The following TENM2 variants were observed in gnomAD, a reference collection of about 807,000 sequenced individuals.
TENM2 encodes teneurin transmembrane protein 2, also known as teneurin-2.
A neutral mutation model predicts 245.2 loss-of-function variants in TENM2; 52 were observed. That is an observed-to-expected ratio of 0.21 (90% CI 0.17 to 0.27). The LOEUF (loss-of-function observed/expected upper bound fraction) is 0.27, where lower values mean the gene tolerates loss of function less well. Ranked by LOEUF, TENM2 falls within the 10% of genes least tolerant of loss-of-function variation. The probability of loss-of-function intolerance (pLI) is 1.00; values close to 1 mark genes in which losing one functional copy is unlikely to be tolerated. For synonymous variants in TENM2, 1,363 were observed against 1,438.9 expected (o/e 0.95, Z 1.19); for missense variants, 3,046 against 3,666.8 (o/e 0.83, Z 4.37).
the TENM2 span, among the ~76,000 whole-genome samples, chr5:167,226,686 T>G: frequency 6.6e-6 from 1 of 152,094 alleles, no homozygotes; most frequent in African/African-American, 2.4e-5. Context: ...TATAAATGTC[T>G]GTTAGGTTCA....
chr5:167,661,546 G>A (rs1251956557), intron 2 of TENM2, among the ~76,000 whole-genome samples: 1 of 152,174 alleles, frequency 6.6e-6, no homozygotes, highest in East Asian at 1.9e-4. Flanking sequence ...GGATTGCCAA[G>A]TTAATTTGGT....
the TENM2 span, among the ~76,000 whole-genome samples, chr5:167,064,918 G>A: frequency 5.3e-5 from 8 of 152,130 alleles, no homozygotes; most frequent in Admixed American, 2.0e-4. Flanking sequence ...AGGGATGAAG[G>A]CATTTGTTGG....
chr5:167,086,575 A>G, the TENM2 span, among the ~76,000 whole-genome samples: 1 of 152,076 alleles, frequency 6.6e-6, no homozygotes, highest in South Asian at 2.1e-4. Context: ...GTTTTCATGC[A>G]CCTGTTTGTT....
chr5:167,619,495 G>C (rs1042576332), intron 2 of TENM2, among the ~76,000 whole-genome samples: 1 of 152,038 alleles, frequency 6.6e-6, no homozygotes, highest in African/African-American at 2.4e-5. Context: ...TCTGGAGTAA[G>C]ACTGGTGTGG....
intron 2 of TENM2, among the ~76,000 whole-genome samples, chr5:167,593,582 G>C (rs1026489683): frequency 6.6e-6 from 1 of 152,188 alleles, no homozygotes; most frequent in Non-Finnish European, 1.5e-5. Flanking sequence ...CATTGCTCTA[G>C]GCTTCTACCT....
chr5:167,891,371 G>A (rs1372269142), intron 3 of TENM2, among the ~76,000 whole-genome samples: 1 of 152,132 alleles, frequency 6.6e-6, no homozygotes, highest in African/African-American at 2.4e-5. Context: ...AGCCTTCCCA[G>A]TTGAAGTGAT....
chr5:167,388,481 A>AT (rs1425452287), intron 2 of TENM2, among the ~76,000 whole-genome samples: 1 of 151,038 alleles, frequency 6.6e-6, no homozygotes, highest in African/African-American at 2.4e-5. Flanking sequence ...TATCTTTTGT[A>AT]TTTTTTTGTT....
chr5:167,574,931 G>A (rs1227070268), intron 2 of TENM2, among the ~76,000 whole-genome samples: 1 of 152,052 alleles, frequency 6.6e-6, no homozygotes, highest in African/African-American at 2.4e-5. Context: ...AGCTTAAAAG[G>A]CTCATATCTA....
At chr5:167,766,407 G>T (rs1763023495) in intron 2 of TENM2, among the ~76,000 whole-genome samples, 1 of 152,126 alleles carries the variant, frequency 6.6e-6, no homozygotes. Flanking sequence ...CCATGGCAGA[G>T]TTTATTATTT....
Position 168,257,443 on chromosome 5 carries a change from A to G in TENM2, c.7433-2840A>G, listed in dbSNP as rs76883946. On this transcript the variant is annotated intron_variant, in intron 27 of 28. Coordinates refer to ENST00000518659, the Ensembl canonical transcript of TENM2. ...GGTGAGATGAGTGCATCCCTGGCAT[A>G]TTCAAAGAACAGCACAGAGGCAGGA... 9.3e-3 allele frequency among the ~76,000 whole-genome samples: 1,409 copies of G among 152,264 alleles called. 23 individuals are homozygous for G. The highest frequency in any genetic ancestry group is 0.032 in the African/African-American group (1,346 of 41,536).
intron 2 of TENM2, among the ~76,000 whole-genome samples, chr5:167,383,034 T>C (rs934438085): frequency 6.6e-6 from 1 of 152,140 alleles, no homozygotes; most frequent in African/African-American, 2.4e-5. Flanking sequence ...GACTTATTTC[T>C]GAAAAGATTT....
In TENM2 at chr5:167,492,998, T is replaced by C. The variant is rs1285110144; in HGVS notation, c.502+117525T>C. ...TCATAGAGGAGATGCATTTGAAGAA[T>C]AGAGTTTGAGCATGGATTAGGTAAG... On this transcript the variant is annotated intron_variant, in intron 2 of 28. Transcript: ENST00000518659. Among the ~76,000 whole-genome samples the C allele has an allele frequency of 2.6e-5, 4 of 152,090 alleles. No homozygotes were observed. In the South Asian group the frequency reaches 8.3e-4, roughly 31 times the overall value.
chr5:168,144,511 C>T (rs1157472329), intron 12 of TENM2, among the ~76,000 whole-genome samples: 1 of 151,924 alleles, frequency 6.6e-6, no homozygotes, highest in African/African-American at 2.4e-5. Flanking sequence ...GACATGAACT[C>T]ATCATTTTTT....
At chr5:167,911,301 C>T (rs28510129) in intron 3 of TENM2, among the ~76,000 whole-genome samples, 5 of 151,948 alleles carry the variant, frequency 3.3e-5, no homozygotes, top group Non-Finnish European at 1.5e-5. Context: ...CCGAGACGGA[C>T]GGATCATGAG....
intron 2 of TENM2, among the ~76,000 whole-genome samples, chr5:167,584,248 G>T (rs1340011781): frequency 6.6e-6 from 1 of 152,190 alleles, no homozygotes. Flanking sequence ...GTGGGAGCAG[G>T]CTCAAGCAAG....
intron 2 of TENM2, among the ~76,000 whole-genome samples, chr5:167,568,740 A>G (rs1774077278): frequency 6.6e-6 from 1 of 152,000 alleles, no homozygotes; most frequent in Non-Finnish European, 1.5e-5. Context: ...ATTCAACAAT[A>G]TTGTTCATCA....
chr5:167,820,532 C>CT (rs1416358259), intron 2 of TENM2, among the ~76,000 whole-genome samples: 1 of 152,180 alleles, frequency 6.6e-6, no homozygotes, highest in East Asian at 1.9e-4. Context: ...AGAGGAGGAA[C>CT]TCCAGAGGAA....
At chr5:167,933,416 A>C (rs1778439563) in intron 3 of TENM2, among the ~76,000 whole-genome samples, 1 of 152,222 alleles carries the variant, frequency 6.6e-6, no homozygotes, top group South Asian at 2.1e-4. Flanking sequence ...AAAATAAATC[A>C]AAAGGAAATA....
At chr5:167,781,250 G>T (rs530222860) in intron 2 of TENM2, among the ~76,000 whole-genome samples, 1 of 152,306 alleles carries the variant, frequency 6.6e-6, no homozygotes, top group Admixed American at 6.5e-5. Context: ...GGTCAAATTT[G>T]CAGGAAGCTA....
Sources: gnomAD v4.1 joint callset for allele counts (sites outside exome capture counted in the v4.1 genomes callset) on GRCh38, gnomAD v4.1.1 for gene constraint, MANE v1.5 for transcripts, NCBI Gene and HGNC (gene_info 2026-07-23, HGNC 2026-07-21) for gene names.